Variants in TMEM132A observed in about 807,000 individuals in gnomAD.
The protein encoded by TMEM132A is transmembrane protein 132A.
Under a neutral mutation model 69.9 loss-of-function variants are expected in TMEM132A, and 48 were observed. That is an observed-to-expected ratio of 0.69 (90% CI 0.55 to 0.87). The LOEUF is 0.87. Among genes scored for constraint, TMEM132A ranks in the 40% least tolerant of loss-of-function variants. The pLI is 0.00. For missense variants in TMEM132A, 1,287 were observed against 1,407.2 expected (o/e 0.91, Z 1.37); for synonymous variants, 577 against 613.7 (o/e 0.94, Z 0.88).
At chr11:60,927,149 T>A in intron 1 of TMEM132A, 55 bp from the exon 2 acceptor site, 2 of 1,505,150 alleles carry the variant, frequency 1.3e-6, no homozygotes, top group Non-Finnish European at 1.8e-6. Context: ...GGCACCCGGG[T>A]CAGCCCCTGC....
At position 60,935,568 on chromosome 11, in the gene TMEM132A, CTG is replaced by C. The variant is rs1399714975; in HGVS notation, c.2028+128_2028+129del. ...AGGGTTTTCAGAGTGAGGACTGACT[CTG>C]TGAGGTAGTGAGCTCTCTGCAGCTG... is the stretch of plus-strand genomic sequence containing the variant. On this transcript the variant is annotated intron_variant, in intron 10 of 10. Transcript: ENST00000453848. The surrounding 1 kb of genome is among the most constrained non-coding windows in gnomAD (Gnocchi z 5.0). 16 of 1,057,540 alleles carry C rather than the reference CTG, an allele frequency of 1.5e-5. No homozygotes were observed. The South Asian group carries it at 2.2e-4, about 15-fold the overall frequency. 65.5% of individuals were successfully genotyped at this position (1,057,540 alleles called of 1,614,324 possible). A position where few individuals can be genotyped will look rare whatever the true frequency, so the allele number is the denominator to read the frequency against.
rs750187127 is a variant in TMEM132A at position 60,935,830 on chromosome 11, C to T, written c.2029-34C>T. ...TTCTCTGTGCATGCGTGCGTGCCCTCGCATGTCTCTGCCTGTGTCTGTGTG... is the reference window on the plus strand; with the variant it reads ...TTCTCTGTGCATGCGTGCGTGCCCTTGCATGTCTCTGCCTGTGTCTGTGTG... On this transcript the variant is annotated intron_variant, in intron 10 of 10. Coordinates refer to ENST00000453848, the MANE Select transcript of TMEM132A (RefSeq NM_178031.3). The surrounding 1 kb of genome is among the most constrained non-coding windows in gnomAD (Gnocchi z 5.0). 23 of 1,605,218 alleles carry T rather than the reference C, an allele frequency of 1.4e-5. No homozygotes were observed. In the East Asian group the frequency reaches 3.3e-4, roughly 23 times the overall value.
chr11:60,934,376 T>C, intron 8 of TMEM132A, 112 bp from the exon 9 acceptor site: 6 of 987,412 alleles, frequency 6.1e-6, no homozygotes, highest in Non-Finnish European at 6.7e-6. Flanking sequence ...AAACAGGAGC[T>C]GCTGGTGATT....
chr11:60,928,818 G>A lies in TMEM132A; in HGVS notation c.724G>A (p.Ala242Thr). ...AGTGGGGGGTGTGGAGCTGCGCCCAGCAGACCCCCCGCAGTACCAGGAGGT... is the reference window on the plus strand; with the variant it reads ...AGTGGGGGGTGTGGAGCTGCGCCCAACAGACCCCCCGCAGTACCAGGAGGT... ...LPVGGVELRP[A>T]DPPQYQEVPL... Residue 242 changes from alanine (A) to threonine (T), a missense_variant, in exon 4 of 11, where the codon GCA (alanine) becomes ACA (threonine). Transcript: ENST00000453848. 5 of 1,611,926 alleles carry A rather than the reference G, an allele frequency of 3.1e-6. No homozygotes were observed. Among genetic ancestry groups the A allele is most frequent in the Non-Finnish European group, 4.2e-6 (5 of 1,179,780 alleles).
chr11:60,935,622 T>A lies in TMEM132A; in HGVS notation c.2028+179T>A. ...AGGTGATCAAGCAGTGGCTGGAGTA[T>A]GGCAGTGGGAGGTTGGTTAGATGGC... is the stretch of plus-strand genomic sequence containing the variant. On this transcript the variant is annotated intron_variant, in intron 10 of 10. Coordinates refer to ENST00000453848, the MANE Select transcript of TMEM132A (RefSeq NM_178031.3). The surrounding 1 kb of genome is among the most constrained non-coding windows in gnomAD (Gnocchi z 5.0). The A allele has an allele frequency of 1.3e-6, 1 of 799,196 alleles. No individual in the cohort carries two copies. The highest frequency in any genetic ancestry group is 1.9e-6 in the Non-Finnish European group (1 of 515,160). The allele number at this position is 799,196 out of a possible 1,614,324, so 49.5% of individuals were successfully genotyped here.
At position 60,935,907 on chromosome 11, in the gene TMEM132A, T is replaced by C. The variant is rs143829920; in HGVS notation, c.2072T>C (p.Val691Ala). ...TGGCTGTCCTTCTCTGATCACACTG[T>C]GGCCCCAGCTGAGCTCTACGACCGC... ...SLWLSFSDHT[V>A]APAELYDRRD... is the part of the protein sequence containing the mutation. Residue 691 changes from valine (V) to alanine (A), a missense_variant, in exon 11 of 11, where the codon GTG becomes GCG. By Grantham distance (64) the Val-to-Ala change is moderately conservative. Coordinates refer to ENST00000453848, the MANE Select transcript of TMEM132A (RefSeq NM_178031.3). The surrounding 1 kb of genome is among the most constrained non-coding windows in gnomAD (Gnocchi z 5.0). The C allele has an allele frequency of 1.2e-4, 197 of 1,611,940 alleles. No homozygotes were observed. The highest frequency in any genetic ancestry group is 1.6e-4 in the Non-Finnish European group (190 of 1,179,990).
Position 60,936,630 on chromosome 11 carries a change from A to G in TMEM132A, c.2795A>G (p.Glu932Gly). 6.4e-7 allele frequency: 1 copy of G among 1,569,234 alleles called. No individual in the cohort carries two copies. Among genetic ancestry groups the G allele is most frequent in the African/African-American group, 1.4e-5 (1 of 73,918 alleles). ...CCCTGTGAGAGTGGGGGAGGAGGGG[A>G]GGCCCCTACCCTGGCCCCTGGCCCT... is the stretch of plus-strand genomic sequence containing the variant. ...SCPCESGGGG[E>G]APTLAPGPPG... The change falls in exon 11 of 11, where the codon GAG becomes GGG. Residue 932 changes from glutamate to glycine, a missense_variant. Glu to Gly is a moderately conservative substitution (Grantham distance 98, BLOSUM62 -2). Transcript: ENST00000453848.
intron 8 of TMEM132A, 60 bp downstream of exon 8, chr11:60,933,804 C>A: frequency 6.9e-7 from 1 of 1,459,156 alleles, no homozygotes; most frequent in Admixed American, 2.1e-5. Context: ...ACGGAGAGGG[C>A]GCAGGGGACA....
At position 60,927,866 on chromosome 11, in the gene TMEM132A, A is replaced by G; in HGVS notation, c.534+7A>G. 3.1e-6 allele frequency: 5 copies of G among 1,604,370 alleles called. No homozygotes were observed. Among genetic ancestry groups the G allele is most frequent in the Non-Finnish European group, 4.2e-6 (5 of 1,176,916 alleles). On this transcript the variant is annotated splice_region_variant and intron_variant, in intron 3 of 10. Coordinates refer to ENST00000453848, the MANE Select transcript of TMEM132A (RefSeq NM_178031.3). ...CCAAGCCTGCCGCTTCCAGGTGAGTAGACAGGCCCCACCTAGGCTGGTCCT... is the reference window on the plus strand; with the variant it reads ...CCAAGCCTGCCGCTTCCAGGTGAGTGGACAGGCCCCACCTAGGCTGGTCCT...
intron 4 of TMEM132A, 78 bp from the exon 5 acceptor site, chr11:60,930,432 C>T: frequency 6.8e-7 from 1 of 1,479,760 alleles, no homozygotes; most frequent in Admixed American, 2.2e-5. Context: ...ATGGCTTTGG[C>T]TCCTTGTCTT....
chr11:60,928,414 G>A (rs1856398382), intron 3 of TMEM132A, among the ~76,000 whole-genome samples: 1 of 152,168 alleles, frequency 6.6e-6, no homozygotes, highest in South Asian at 2.1e-4. Flanking sequence ...AAGGGCTGAA[G>A]AGTGGTCTGC....
chr11:60,935,023 A>C lies in TMEM132A; in HGVS notation c.1837-229A>C, dbSNP rs1856558234. Among the ~76,000 whole-genome samples the C allele has an allele frequency of 6.6e-6, 1 of 152,092 alleles. No individual in the cohort carries two copies. Among genetic ancestry groups the C allele is most frequent in the South Asian group, 2.1e-4 (1 of 4,832 alleles). On this transcript the variant is annotated intron_variant, in intron 9 of 10. Transcript: ENST00000453848. The surrounding 1 kb of genome is among the most constrained non-coding windows in gnomAD (Gnocchi z 5.0). ...TTGAGGGAAAAGGGAACTGCCCCCT[A>C]GGTGTGGGATTGGGGTCCAGGTATG...
chr11:60,933,275 C>G (rs1856518574), intron 7 of TMEM132A: 1 of 504,444 alleles, frequency 2.0e-6, no homozygotes, highest in Non-Finnish European at 3.5e-6. Flanking sequence ...CTCAGCTACC[C>G]AGGCTCAAGG....
rs780385905 is a variant in TMEM132A at position 60,933,724 on chromosome 11, G to A, written c.1539G>A (p.Arg513=). Residue 513 remains arginine (R), a synonymous_variant, in exon 8 of 11, where the codon AGG becomes AGA. Transcript: ENST00000453848. ...CCCTCGAGCAGGTCCGCGGCTGGAG[G>A]GTACCTGGCCCTGCTGAAGGGTGAG... is the stretch of plus-strand genomic sequence containing the variant. ...DTTLEQVRGW[R]VPGPAEGPAE... The A allele has an allele frequency of 2.5e-5, 39 of 1,585,286 alleles. No homozygotes were observed. The East Asian group carries it at 8.5e-4, about 35-fold the overall frequency.
chr11:60,929,689 C>T (rs1375184864), intron 4 of TMEM132A, among the ~76,000 whole-genome samples: 1 of 152,186 alleles, frequency 6.6e-6, no homozygotes, highest in Non-Finnish European at 1.5e-5. Context: ...GATCGAAGAG[C>T]GGTCTGTGGA....
rs1354373563 is a variant in TMEM132A, at chr11:60,924,606, C to A, written c.-28C>A. On this transcript the variant is annotated 5_prime_UTR_variant, in exon 1 of 11. Transcript: ENST00000453848. ...CGGGACTGGGGCCACCTGAGCCGCC[C>A]GCCTCGTCCCCGCCTTCTGTGGGAA... 3 of 1,566,168 alleles carry A rather than the reference C, an allele frequency of 1.9e-6. No homozygotes were observed. Among genetic ancestry groups the A allele is most frequent in the Non-Finnish European group, 2.6e-6 (3 of 1,161,944 alleles).
In TMEM132A at chr11:60,933,796, G is replaced by A. The variant is rs370787427; in HGVS notation, c.1559+52G>A. On this transcript the variant is annotated intron_variant, in intron 8 of 10. Transcript: ENST00000453848. ...AGGCCTTGGCGAGTCACACTGGGAC[G>A]GAGAGGGCGCAGGGGACACAGCCAT... The A allele has an allele frequency of 9.2e-5, 137 of 1,496,182 alleles. No individual in the cohort carries two copies. The East Asian group carries it at 1.5e-3, about 17-fold the overall frequency. 92.7% of individuals were successfully genotyped at this position (1,496,182 alleles called of 1,614,324 possible). A position where few individuals can be genotyped will look rare whatever the true frequency, so the allele number is the denominator to read the frequency against.
intron 4 of TMEM132A, among the ~76,000 whole-genome samples, chr11:60,930,189 G>A (rs1856445258): frequency 6.6e-6 from 1 of 152,228 alleles, no homozygotes; most frequent in Admixed American, 6.5e-5. Flanking sequence ...TGGGAAACTT[G>A]TGTGTAGCTG....
At chr11:60,930,458 C>T in intron 4 of TMEM132A, 52 bp from the exon 5 acceptor site, 1 of 1,512,756 alleles carries the variant, frequency 6.6e-7, no homozygotes, top group Non-Finnish European at 8.9e-7. Flanking sequence ...TTCAATCCAG[C>T]CCACAGTTCA....
Sources: gnomAD v4.1 joint callset for allele counts (sites outside exome capture counted in the v4.1 genomes callset) on GRCh38, gnomAD v4.1.1 for gene constraint, Gnocchi (gnomAD v3.1) non-coding constraint, MANE v1.5 for transcripts, NCBI Gene and HGNC (gene_info 2026-07-23, HGNC 2026-07-21) for gene names.